VRK1: variants seen among roughly 807,000 people sequenced by gnomAD.
VRK1 encodes the protein serine/threonine-protein kinase VRK1.
A neutral mutation model predicts 57.1 loss-of-function variants in VRK1; 33 were observed. That is an observed-to-expected ratio of 0.58 (90% confidence interval 0.44 to 0.77). The LOEUF (loss-of-function observed/expected upper bound fraction) is 0.77. VRK1 is among the 30% of genes least tolerant of loss of function. The pLI is 0.00. For synonymous variants in VRK1, 137 were observed against 147.8 expected, an observed-to-expected ratio of 0.93 and a Z score of 0.53; for missense variants, 413 against 477.3, an observed-to-expected ratio of 0.87 and a Z score of 1.25.
intron 11 of VRK1, among the ~76,000 whole-genome samples, chr14:96,872,117 T>G (rs1260815607): frequency 1.3e-5 from 2 of 152,218 alleles, no homozygotes; most frequent in African/African-American, 2.4e-5. Flanking sequence ...TAGCAGGATA[T>G]TTTTAGATTA....
chr14:96,864,851 T>C (rs558865817), intron 11 of VRK1, among the ~76,000 whole-genome samples: 1 of 152,244 alleles, frequency 6.6e-6, no homozygotes, highest in South Asian at 2.1e-4. Flanking sequence ...ATTTGAAACA[T>C]TTTTGTATGC....
intron 3 of VRK1, among the ~76,000 whole-genome samples, chr14:96,838,340 C>G (rs543950963): frequency 6.6e-6 from 1 of 152,192 alleles, no homozygotes; most frequent in South Asian, 2.1e-4. Flanking sequence ...TGGCAACATC[C>G]TATCTGACAT....
At chr14:96,870,022 A>G (rs1888754638) in intron 11 of VRK1, among the ~76,000 whole-genome samples, 1 of 152,148 alleles carries the variant, frequency 6.6e-6, no homozygotes, top group African/African-American at 2.4e-5. Flanking sequence ...ATAGTTTTCA[A>G]AATCTTACAT....
At chr14:96,872,392 G>A (rs977496262) in intron 11 of VRK1, among the ~76,000 whole-genome samples, 5 of 152,086 alleles carry the variant, frequency 3.3e-5, no homozygotes, top group African/African-American at 9.7e-5. Flanking sequence ...ACTCATTAAG[G>A]GTTAGATAAA....
rs376296233 is a variant in VRK1, at chr14:96,836,563, C to T, written c.161-1199C>T. Among the ~76,000 whole-genome samples the T allele has an allele frequency of 4.6e-4, 67 of 144,182 alleles. 1 individual carries two copies. The highest frequency in any genetic ancestry group is 3.8e-3 in the Middle Eastern group (1 of 266). 94.6% of individuals were successfully genotyped at this position (144,182 alleles called of 152,430 possible). A position where few individuals can be genotyped will look rare whatever the true frequency, so the allele number is the denominator to read the frequency against. ...TTTGAGATGGAGTCTCGCTCTGTTG[C>T]CCAGATTGGAGTGCAGTGGCATGAT... On this transcript the variant is annotated intron_variant, in intron 2 of 12. Coordinates refer to ENST00000216639, the MANE Select transcript of VRK1 (RefSeq NM_003384.3).
At chr14:96,820,604 A>G (rs1886563144) in intron 1 of VRK1, among the ~76,000 whole-genome samples, 1 of 152,208 alleles carries the variant, frequency 6.6e-6, no homozygotes, top group South Asian at 2.1e-4. Flanking sequence ...CTTTTTGTCT[A>G]ACATCATTTC....
At chr14:96,830,683 A>G (rs939190010) in intron 1 of VRK1, among the ~76,000 whole-genome samples, 20 of 152,116 alleles carry the variant, frequency 1.3e-4, no homozygotes, top group African/African-American at 4.8e-4. Context: ...GTGTGGCACT[A>G]GGCTTTGATC....
intron 1 of VRK1, among the ~76,000 whole-genome samples, chr14:96,807,982 T>TCTCCCTCA: frequency 1.8e-5 from 1 of 55,938 alleles, no homozygotes; most frequent in South Asian, 8.7e-4. Flanking sequence ...TCTCTGTCTC[T>TCTCCCTCA]CTCCCTCTCT....
At chr14:96,802,846 G>A (rs1461834020) in intron 1 of VRK1, among the ~76,000 whole-genome samples, 1 of 152,208 alleles carries the variant, frequency 6.6e-6, no homozygotes, top group African/African-American at 2.4e-5. Flanking sequence ...GTTGTTTCTG[G>A]TTTTTGGTGA....
At chr14:96,877,519 G>A (rs1889090777) in intron 12 of VRK1, 8 of 1,289,372 alleles carry the variant, frequency 6.2e-6, no homozygotes, top group Non-Finnish European at 8.1e-6. Context: ...GGAGTCCCAA[G>A]GAGCAATACA....
At chr14:96,810,463 A>G (rs993912579) in intron 1 of VRK1, among the ~76,000 whole-genome samples, 5 of 152,174 alleles carry the variant, frequency 3.3e-5, no homozygotes, top group Non-Finnish European at 5.9e-5. Flanking sequence ...ATTTAGGTCA[A>G]AGTCCCCAGG....
intron 1 of VRK1, among the ~76,000 whole-genome samples, chr14:96,813,239 G>A (rs1886272790): frequency 6.6e-6 from 1 of 152,286 alleles, no homozygotes; most frequent in Admixed American, 6.5e-5. Flanking sequence ...ACACTGCTCG[G>A]TGCTGACTGG....
intron 12 of VRK1, among the ~76,000 whole-genome samples, chr14:96,877,858 AT>A (rs533990098): frequency 1.3e-3 from 202 of 151,534 alleles, no homozygotes; most frequent in Middle Eastern, 3.4e-3. Flanking sequence ...ATAATTATGA[AT>A]TTTTTTTTAA....
intron 1 of VRK1, among the ~76,000 whole-genome samples, chr14:96,806,489 T>G: frequency 6.6e-6 from 1 of 152,240 alleles, no homozygotes; most frequent in East Asian, 1.9e-4. Context: ...GTGTGAAAGC[T>G]TTGAAAGTCA....
Position 96,840,484 on chromosome 14 carries a change from G to A in VRK1, c.216+2667G>A, listed in dbSNP as rs561455032. Among the ~76,000 whole-genome samples, 13 of 152,208 alleles carry A rather than the reference G, an allele frequency of 8.5e-5. 1 individual carries two copies. The highest frequency in any genetic ancestry group is 3.1e-4 in the African/African-American group (13 of 41,520). On this transcript the variant is annotated intron_variant, in intron 3 of 12. Transcript: ENST00000216639. ...TGGATTTTTCTTCTTCTTCATTTATGGAATAGCATTCTTTTTGGAATATTC... is the reference window on the plus strand; with the variant it reads ...TGGATTTTTCTTCTTCTTCATTTATAGAATAGCATTCTTTTTGGAATATTC...
intron 3 of VRK1, among the ~76,000 whole-genome samples, chr14:96,841,815 A>G (rs1351508085): frequency 1.3e-5 from 2 of 151,616 alleles, no homozygotes; most frequent in African/African-American, 2.4e-5. Context: ...AGCTTGGGCT[A>G]CAGAGTGAGA....
At chr14:96,837,903 A>C (rs1291386413) in intron 3 of VRK1, 86 bp downstream of exon 3, 2 of 869,154 alleles carry the variant, frequency 2.3e-6, no homozygotes, top group East Asian at 5.6e-5. Context: ...AACTAGAATT[A>C]ATTAAACCAT....
intron 5 of VRK1, 35 bp downstream of exon 5, chr14:96,847,379 T>G: frequency 1.3e-6 from 2 of 1,538,862 alleles, no homozygotes; most frequent in Non-Finnish European, 1.8e-6. Flanking sequence ...TCTCCTTCCC[T>G]TTTGCAACAT....
chr14:96,865,761 G>GTT (rs199593950), intron 11 of VRK1, among the ~76,000 whole-genome samples: 1 of 147,780 alleles, frequency 6.8e-6, no homozygotes, highest in South Asian at 2.1e-4. Context: ...TAATTCTTCT[G>GTT]TTTTTTTTTT....
Sources: gnomAD v4.1 joint callset for allele counts (sites outside exome capture counted in the v4.1 genomes callset) on GRCh38, gnomAD v4.1.1 for gene constraint, MANE v1.5 for transcripts, NCBI Gene and HGNC (gene_info 2026-07-23, HGNC 2026-07-21) for gene names.